DOK7: variants seen among roughly 807,000 people sequenced by gnomAD.
DOK7 encodes protein Dok-7.
Under a neutral mutation model 30.7 loss-of-function variants are expected in DOK7, and 32 were observed. That is an observed-to-expected ratio of 1.04 (90% CI 0.79 to 1.40). DOK7 has a LOEUF of 1.40. Ranked by LOEUF, DOK7 falls within the 40% of genes most tolerant of loss-of-function variation. The probability of loss-of-function intolerance (pLI) is 0.00; values close to 1 mark genes in which losing one functional copy is unlikely to be tolerated. For missense variants in DOK7, 1,007 were observed against 699.2 expected, an observed-to-expected ratio of 1.44 and a Z score of -4.97; for synonymous variants, 447 against 324.1, an observed-to-expected ratio of 1.38 and a Z score of -4.07.
chr4:3,469,570 C>T lies in DOK7; in HGVS notation c.101-3836C>T, dbSNP rs917326516. 7.2e-5 allele frequency among the ~76,000 whole-genome samples: 11 copies of T among 152,220 alleles called. No individual in the cohort carries two copies. In the East Asian group the frequency reaches 1.9e-3, roughly 27 times the overall value. On this transcript the variant is annotated intron_variant, in intron 2 of 6. Coordinates refer to ENST00000340083, the MANE Select transcript of DOK7 (RefSeq NM_173660.5). The stretch of plus-strand genomic sequence containing the variant: ...CCTCCTGGGAGGGTGTGGCTGGGGC[C>T]CTCTGGGCCTGGCGCCCGGGGAGCT...
chr4:3,489,828 C>T (rs1245861955), intron 6 of DOK7, 32 bp downstream of exon 6: 13 of 1,560,300 alleles, frequency 8.3e-6, no homozygotes, highest in East Asian at 2.4e-5. Flanking sequence ...GGCTGTGGGA[C>T]CTCGGCTAAG....
chr4:3,466,206 GC>G (rs1348882062), intron 2 of DOK7, among the ~76,000 whole-genome samples: 1 of 152,176 alleles, frequency 6.6e-6, no homozygotes, highest in East Asian at 1.9e-4. Flanking sequence ...CCCAAACCTT[GC>G]CCCCCACAGC....
At position 3,473,637 on chromosome 4, in the gene DOK7, G is replaced by T. The variant is rs1349476281; in HGVS notation, c.331+1G>T. ...CGGATCCGCTATGCGCTCGGCGAGGGTGAGTGACGGGGGCCGGGGCCGGGC... is the reference window on the plus strand; with the variant it reads ...CGGATCCGCTATGCGCTCGGCGAGGTTGAGTGACGGGGGCCGGGGCCGGGC... On this transcript the variant is annotated splice_donor_variant, in intron 3 of 6. Coordinates refer to ENST00000340083, the MANE Select transcript of DOK7 (RefSeq NM_173660.5). LOFTEE classifies it high-confidence loss of function. The T allele has an allele frequency of 3.2e-6, 5 of 1,558,034 alleles. No individual in the cohort carries two copies. Among genetic ancestry groups the T allele is most frequent in the South Asian group, 1.2e-5 (1 of 86,856 alleles).
At position 3,493,507 on chromosome 4, in the gene DOK7, G is replaced by A. The variant is rs576330869; in HGVS notation, c.*6G>A. ...AGGTAAACCCCCCTCCTTGAGAGCC[G>A]CAGATCCCGCCCCGCGGCTGCAAAG... On this transcript the variant is annotated 3_prime_UTR_variant, in exon 7 of 7. Transcript: ENST00000340083. 8.6e-5 allele frequency: 139 copies of A among 1,610,090 alleles called. No homozygotes were observed. The highest frequency in any genetic ancestry group is 3.2e-4 in the Admixed American group (19 of 59,852).
intron 6 of DOK7, among the ~76,000 whole-genome samples, chr4:3,490,359 A>C (rs1335743356): frequency 5.5e-5 from 3 of 54,610 alleles, no homozygotes; most frequent in Non-Finnish European, 9.2e-5. Flanking sequence ...CCCCACACTC[A>C]TTCATTCCTT....
intron 4 of DOK7, among the ~76,000 whole-genome samples, chr4:3,476,876 G>A (rs926599835): frequency 1.1e-4 from 17 of 152,238 alleles, no homozygotes; most frequent in African/African-American, 2.9e-4. Flanking sequence ...AAGAACAAAC[G>A]CATTTAGCAG....
intron 2 of DOK7, among the ~76,000 whole-genome samples, chr4:3,466,064 C>G (rs1396626731): frequency 6.6e-6 from 1 of 152,184 alleles, no homozygotes; most frequent in Non-Finnish European, 1.5e-5. Flanking sequence ...AGAAAAGCCA[C>G]CGGGAGGGCC....
At chr4:3,501,201 G>C (rs1211525164) in exon 8 of DOK7, 4 of 258,842 alleles carry the variant, frequency 1.5e-5, no homozygotes, top group Non-Finnish European at 3.0e-5. Context: ...TCTCACCCTG[G>C]GGGTGACTGC....
downstream of DOK7, among the ~76,000 whole-genome samples, chr4:3,495,215 C>T (rs931210660): frequency 2.6e-5 from 4 of 152,238 alleles, no homozygotes; most frequent in Admixed American, 6.5e-5. Flanking sequence ...AATAGCTGCC[C>T]GTCACCATTA....
At chr4:3,476,057 C>T (rs892477370) in intron 3 of DOK7, among the ~76,000 whole-genome samples, 25 of 151,478 alleles carry the variant, frequency 1.7e-4, no homozygotes, top group Non-Finnish European at 1.3e-4. Context: ...CAGCCTGGCC[C>T]CTGCCCCTGC....
At chr4:3,491,330 A>ATTCC (rs1271211392) in intron 6 of DOK7, among the ~76,000 whole-genome samples, 2 of 47,894 alleles carry the variant, frequency 4.2e-5, no homozygotes, top group African/African-American at 8.0e-5. Context: ...CTGCTCATTC[A>ATTCC]TTCCTTCCTT....
intron 2 of DOK7, 126 bp downstream of exon 2, chr4:3,463,677 C>G: frequency 8.1e-7 from 1 of 1,241,936 alleles, no homozygotes; most frequent in South Asian, 1.3e-5. Flanking sequence ...CCCGAGAGCC[C>G]CGTGCGGACC....
At chr4:3,495,520 C>T (rs540507186), downstream of DOK7, among the ~76,000 whole-genome samples, 3 of 152,348 alleles carry the variant, frequency 2.0e-5, no homozygotes, top group Admixed American at 2.0e-4. Context: ...ATCTGCCTCT[C>T]CTCACGATGC....
At chr4:3,481,114 T>TGGAGGA (rs1020066185) in intron 4 of DOK7, among the ~76,000 whole-genome samples, 3 of 148,340 alleles carry the variant, frequency 2.0e-5, no homozygotes, top group African/African-American at 5.0e-5. Context: ...GGCGTGAGGG[T>TGGAGGA]GGAGGAGGAG....
intron 5 of DOK7, among the ~76,000 whole-genome samples, chr4:3,487,020 G>A (rs778712584): frequency 1.3e-5 from 2 of 152,198 alleles, no homozygotes; most frequent in African/African-American, 2.4e-5. Context: ...CTCCACCGCA[G>A]GCAGCACGTG....
In DOK7 at chr4:3,493,834, C is replaced by T. The variant is rs528485259; in HGVS notation, c.*333C>T. On this transcript the variant is annotated 3_prime_UTR_variant, in exon 7 of 7. Transcript: ENST00000340083. The stretch of plus-strand genomic sequence containing the variant: ...TGGCTCGTGCCTTGCACTGGGGTGC[C>T]AAGGGCTGGAGGCCCTGCCGCTGGC... 10 of 1,212,542 alleles carry T rather than the reference C, an allele frequency of 8.2e-6. No individual in the cohort carries two copies. In the African/African-American group the frequency reaches 1.1e-4, roughly 13 times the overall value. 75.1% of individuals were successfully genotyped at this position (1,212,542 alleles called of 1,614,324 possible).
chr4:3,490,138 CATT>C (rs1728146531), intron 6 of DOK7, among the ~76,000 whole-genome samples: 1 of 56,228 alleles, frequency 1.8e-5, no homozygotes, highest in Non-Finnish European at 3.2e-5. Flanking sequence ...CCTGCTCATT[CATT>C]CCTTCCTTCC....
At chr4:3,491,822 G>A (rs1376414828) in intron 6 of DOK7, among the ~76,000 whole-genome samples, 1 of 152,252 alleles carries the variant, frequency 6.6e-6, no homozygotes. Flanking sequence ...AGGTGGTGGT[G>A]GAAGGGGCTG....
intron 5 of DOK7, among the ~76,000 whole-genome samples, chr4:3,487,390 C>T (rs1330820675): frequency 6.6e-6 from 1 of 152,232 alleles, no homozygotes; most frequent in African/African-American, 2.4e-5. Context: ...ACAATAGAGC[C>T]CTGCGGGCGG....
Sources: gnomAD v4.1 joint callset for allele counts (sites outside exome capture counted in the v4.1 genomes callset) on GRCh38, gnomAD v4.1.1 for gene constraint, MANE v1.5 for transcripts, NCBI Gene and HGNC (gene_info 2026-07-23, HGNC 2026-07-21) for gene names.